Variants in SPIRE1 observed in about 807,000 individuals in gnomAD.
SPIRE1 encodes the protein spire type actin nucleation factor 1.
SPIRE1 carries 40 observed loss-of-function variants against 94.1 expected under a neutral mutation model. That is an observed-to-expected ratio of 0.43 (90% CI 0.33 to 0.55). The LOEUF (loss-of-function observed/expected upper bound fraction) is 0.55, where lower values mean the gene tolerates loss of function less well. Among genes scored for constraint, SPIRE1 ranks in the 20% least tolerant of loss-of-function variants. The pLI is 0.06. For synonymous variants in SPIRE1, 376 were observed against 371.7 expected, an observed-to-expected ratio of 1.01 and a Z score of -0.13; for missense variants, 838 against 975.2, an observed-to-expected ratio of 0.86 and a Z score of 1.87.
In SPIRE1 at chr18:12,657,808, C is replaced by A; in HGVS notation, c.59G>T (p.Gly20Val). The part of the protein sequence containing the change: ...GGEPRTEAVG[G>V]EGPREPGAAG... ...TGCCCCGGGCTCCCGCGGCCCCTCGCCGCCCACTGCCTCAGTCCGCGGCTC... is the reference window on the plus strand; with the variant it reads ...TGCCCCGGGCTCCCGCGGCCCCTCGACGCCCACTGCCTCAGTCCGCGGCTC... Residue 20 changes from glycine (G) to valine (V), a missense_variant, in exon 1 of 17, where the codon GGC (glycine) becomes GTC (valine). Gly to Val is a moderately radical substitution (Grantham distance 109). Coordinates refer to ENST00000409402, the MANE Select transcript of SPIRE1 (RefSeq NM_001128626.2). 8.0e-7 allele frequency: 1 copy of A among 1,249,486 alleles called. No individual in the cohort carries two copies. The highest frequency in any genetic ancestry group is 1.0e-6 in the Non-Finnish European group (1 of 996,678). The allele number at this position is 1,249,486 out of a possible 1,614,324, so 77.4% of individuals were successfully genotyped here. A position where few individuals can be genotyped will look rare whatever the true frequency, so the allele number is the denominator to read the frequency against.
intron 5 of SPIRE1, among the ~76,000 whole-genome samples, chr18:12,510,182 A>G (rs2033990676): frequency 6.6e-6 from 1 of 152,054 alleles, no homozygotes; most frequent in Non-Finnish European, 1.5e-5. Flanking sequence ...CAGAAAGCAG[A>G]TGACTAATTG....
In SPIRE1 at chr18:12,657,790, G is replaced by A. The variant is rs1278885340; in HGVS notation, c.77C>T (p.Pro26Leu). The change falls in exon 1 of 17, where the codon CCC becomes CTC. Residue 26 changes from proline (P) to leucine (L), a missense_variant. This residue lies in a region of SPIRE1 where 193 missense variants were observed against 170.5 expected (regional missense o/e 1.13). Transcript: ENST00000409402. ...EAVGGEGPRE[P>L]GAAGGAAGGS... ...CCCGGCCGCGCCGCCGGCTGCCCCGGGCTCCCGCGGCCCCTCGCCGCCCAC... is the reference window on the plus strand; with the variant it reads ...CCCGGCCGCGCCGCCGGCTGCCCCGAGCTCCCGCGGCCCCTCGCCGCCCAC... 3.3e-5 allele frequency: 43 copies of A among 1,291,644 alleles called. No individual in the cohort carries two copies. Among genetic ancestry groups the A allele is most frequent in the Admixed American group, 7.3e-5 (2 of 27,486 alleles). The allele number at this position is 1,291,644 out of a possible 1,614,324, so 80.0% of individuals were successfully genotyped here. A position where few individuals can be genotyped will look rare whatever the true frequency, so the allele number is the denominator to read the frequency against.
intron 2 of SPIRE1, among the ~76,000 whole-genome samples, chr18:12,596,637 A>G (rs2036678105): frequency 6.6e-6 from 1 of 152,190 alleles, no homozygotes; most frequent in Non-Finnish European, 1.5e-5. Flanking sequence ...AAAATTCCAT[A>G]TATTATAATG....
At chr18:12,656,273 A>G (rs567244787) in intron 1 of SPIRE1, among the ~76,000 whole-genome samples, 2 of 152,288 alleles carry the variant, frequency 1.3e-5, no homozygotes, top group South Asian at 4.1e-4. Context: ...AGTATTTCCC[A>G]CTAAGATTAA....
chr18:12,454,768 C>T (rs1018234114), intron 12 of SPIRE1, among the ~76,000 whole-genome samples: 9 of 152,074 alleles, frequency 5.9e-5, no homozygotes, highest in African/African-American at 2.2e-4. Context: ...AACTCTATTC[C>T]GTTAAGCAGG....
intron 5 of SPIRE1, among the ~76,000 whole-genome samples, chr18:12,507,824 T>C (rs1368185507): frequency 6.6e-6 from 1 of 152,162 alleles, no homozygotes; most frequent in Non-Finnish European, 1.5e-5. Flanking sequence ...TCACAATATT[T>C]AGCTAAAAAC....
intron 8 of SPIRE1, 96 bp from the exon 9 acceptor site, chr18:12,486,096 A>C (rs151230049): frequency 8.0e-4 from 699 of 876,426 alleles, no homozygotes; most frequent in Non-Finnish European, 1.1e-3. Context: ...GAAGACCCTT[A>C]GTGGCTACAT....
chr18:12,552,359 C>T (rs1481199168), intron 2 of SPIRE1, among the ~76,000 whole-genome samples: 1 of 152,124 alleles, frequency 6.6e-6, no homozygotes, highest in African/African-American at 2.4e-5. Flanking sequence ...CCAGGCAGCA[C>T]AGTCTGCAGC....
intron 1 of SPIRE1, among the ~76,000 whole-genome samples, chr18:12,648,627 C>T (rs1181509898): frequency 1.3e-5 from 2 of 152,058 alleles, no homozygotes; most frequent in African/African-American, 2.4e-5. Context: ...CAGTGGCTCA[C>T]GCCTGTAATC....
intron 6 of SPIRE1, 61 bp from the exon 7 acceptor site, chr18:12,496,163 G>A: frequency 8.6e-7 from 1 of 1,157,822 alleles, no homozygotes; most frequent in Non-Finnish European, 1.3e-6. Flanking sequence ...TGAATTTCTG[G>A]GTATAGCTGT....
At chr18:12,615,345 A>AAAAAAAAAAAAAAAAAAAAT in intron 2 of SPIRE1, among the ~76,000 whole-genome samples, 4 of 17,242 alleles carry the variant, frequency 2.3e-4, no homozygotes, top group Non-Finnish European at 3.7e-4. Flanking sequence ...AAAAAAAAAA[A>AAAAAAAAAAAAAAAAAAAAT]ATATATATAT....
At chr18:12,540,964 G>T (rs538526153) in intron 3 of SPIRE1, among the ~76,000 whole-genome samples, 1 of 152,294 alleles carries the variant, frequency 6.6e-6, no homozygotes, top group East Asian at 1.9e-4. Flanking sequence ...AGCCTCAAGC[G>T]ATCTACCTGC....
At chr18:12,661,966 T>G (rs947527287), upstream of SPIRE1, 7 of 256,882 alleles carry the variant, frequency 2.7e-5, no homozygotes, top group East Asian at 3.0e-4. Flanking sequence ...GATTTTGTTT[T>G]GTTGATTTTG....
At chr18:12,508,989 T>G (rs959717892) in intron 5 of SPIRE1, among the ~76,000 whole-genome samples, 4 of 152,188 alleles carry the variant, frequency 2.6e-5, no homozygotes, top group Non-Finnish European at 5.9e-5. Context: ...CTTTGTTACA[T>G]AGTCGGTTTT....
At chr18:12,579,109 C>G (rs1214904627) in intron 2 of SPIRE1, among the ~76,000 whole-genome samples, 1 of 147,180 alleles carries the variant, frequency 6.8e-6, no homozygotes, top group African/African-American at 2.5e-5. Context: ...GAAAAAAAAC[C>G]CAAAAACCAT....
chr18:12,476,227 G>C (rs1331605040), intron 10 of SPIRE1, among the ~76,000 whole-genome samples: 3 of 152,074 alleles, frequency 2.0e-5, no homozygotes, highest in African/African-American at 7.2e-5. Flanking sequence ...TTTTCTAAAT[G>C]TTAACATATG....
intron 2 of SPIRE1, among the ~76,000 whole-genome samples, chr18:12,593,240 C>T (rs1305825814): frequency 6.6e-6 from 1 of 151,978 alleles, no homozygotes; most frequent in Admixed American, 6.6e-5. Context: ...AATTTAAGAC[C>T]ATACAGATGT....
intron 10 of SPIRE1, among the ~76,000 whole-genome samples, chr18:12,479,159 A>ATTTTTTTTTCTTTTTTT (rs2032743645): frequency 7.0e-6 from 1 of 143,880 alleles, no homozygotes; most frequent in African/African-American, 2.6e-5. Context: ...ACATATATGT[A>ATTTTTTTTTCTTTTTTT]TTTTTTTTTT....
intron 8 of SPIRE1, among the ~76,000 whole-genome samples, chr18:12,487,859 G>A (rs1298986292): frequency 6.6e-6 from 1 of 152,176 alleles, no homozygotes; most frequent in African/African-American, 2.4e-5. Flanking sequence ...TTGCAGAGAT[G>A]TGATGATTTT....
Sources: gnomAD v4.1 joint callset for allele counts (sites outside exome capture counted in the v4.1 genomes callset) on GRCh38, gnomAD v4.1.1 for gene constraint, gnomAD v4.1.1 regional missense constraint, MANE v1.5 for transcripts, NCBI Gene and HGNC (gene_info 2026-07-23, HGNC 2026-07-21) for gene names.